The following DDX10 variants were observed in gnomAD, a reference collection of about 807,000 sequenced individuals.
DDX10 encodes the protein probable ATP-dependent RNA helicase DDX10.
Under a neutral mutation model 104.3 loss-of-function variants are expected in DDX10, and 74 were observed. The ratio of observed to expected loss-of-function variants is 0.71; its 90% CI spans 0.59 to 0.86. The LOEUF is 0.86. DDX10 is among the 40% of genes least tolerant of loss of function. The pLI, the probability that DDX10 is intolerant of heterozygous loss-of-function variation, is 0.00. For missense variants in DDX10, 952 were observed against 1,040.0 expected, an observed-to-expected ratio of 0.92 and a Z score of 1.16; for synonymous variants, 351 against 353.4, an observed-to-expected ratio of 0.99 and a Z score of 0.08.
chr11:108,816,669 C>T (rs1862259892), intron 13 of DDX10, among the ~76,000 whole-genome samples: 1 of 151,758 alleles, frequency 6.6e-6, no homozygotes, highest in African/African-American at 2.4e-5. Flanking sequence ...TTTCCTGCCT[C>T]AGCCTCCCAA....
Position 108,940,435 on chromosome 11 carries a change from G to T in DDX10, c.*12G>T, listed in dbSNP as rs367878899. ...GAAGTCAAAGCTAAATACTTCCTGC[G>T]CCTGCCTTCTCCTTGAAACCTTGGT... On this transcript the variant is annotated 3_prime_UTR_variant, in exon 18 of 18. Transcript: ENST00000322536. 4 of 1,609,310 alleles carry T rather than the reference G, an allele frequency of 2.5e-6. No homozygotes were observed. Among genetic ancestry groups the T allele is most frequent in the Non-Finnish European group, 3.4e-6 (4 of 1,178,148 alleles).
chr11:108,778,175 C>T (rs1300356432), intron 13 of DDX10, among the ~76,000 whole-genome samples: 1 of 152,086 alleles, frequency 6.6e-6, no homozygotes, highest in African/African-American at 2.4e-5. Context: ...ACTTTCTTCA[C>T]AGAATTGGAA....
At chr11:108,732,146 A>G (rs1013118149) in intron 13 of DDX10, among the ~76,000 whole-genome samples, 1 of 152,220 alleles carries the variant, frequency 6.6e-6, no homozygotes, top group African/African-American at 2.4e-5. Context: ...GAATATGTCT[A>G]ATAATCATAT....
intron 13 of DDX10, among the ~76,000 whole-genome samples, chr11:108,813,437 T>C (rs1862214123): frequency 6.6e-6 from 1 of 152,214 alleles, no homozygotes; most frequent in African/African-American, 2.4e-5. Flanking sequence ...ATTTTCTTAC[T>C]CTTTTTATTC....
rs1019824721 is a variant in DDX10 at position 108,890,660 on chromosome 11, A to G, written c.2305-27213A>G. 1.1e-4 allele frequency among the ~76,000 whole-genome samples: 16 copies of G among 152,212 alleles called. No individual in the cohort carries two copies. The East Asian group carries it at 2.9e-3, about 28-fold the overall frequency. On this transcript the variant is annotated intron_variant, in intron 16 of 17. Coordinates refer to ENST00000322536, the MANE Select transcript of DDX10 (RefSeq NM_004398.4). ...TCATTAAACTACTTTTTTCAACGTA[A>G]TATGATCTTACCCTACAATCCTGCC...
chr11:108,826,913 C>A (rs2134582963), intron 13 of DDX10, among the ~76,000 whole-genome samples: 2 of 152,204 alleles, frequency 1.3e-5, no homozygotes, highest in African/African-American at 4.8e-5. Context: ...ATTAGCAATT[C>A]TCAAACATTC....
chr11:108,855,523 G>T (rs1416116185), intron 16 of DDX10, among the ~76,000 whole-genome samples: 1 of 152,034 alleles, frequency 6.6e-6, no homozygotes, highest in African/African-American at 2.4e-5. Flanking sequence ...GCAGTGACGC[G>T]ATCTTGGCCC....
At chr11:108,830,747 A>G (rs1215394829) in intron 13 of DDX10, among the ~76,000 whole-genome samples, 1 of 152,066 alleles carries the variant, frequency 6.6e-6, no homozygotes. Context: ...TGTGCTTAGG[A>G]TTTTCATCAT....
At chr11:108,826,411 C>T (rs532473130) in intron 13 of DDX10, among the ~76,000 whole-genome samples, 3 of 152,142 alleles carry the variant, frequency 2.0e-5, no homozygotes, top group East Asian at 1.9e-4. Flanking sequence ...CACAAAAGGC[C>T]GGATATCACA....
intron 9 of DDX10, among the ~76,000 whole-genome samples, chr11:108,698,412 A>G (rs34610500): frequency 0.055 from 8,422 of 152,296 alleles, 331 homozygotes; most frequent in Non-Finnish European, 0.087. Context: ...TGCTCCTCGT[A>G]GATAGTGGCT....
chr11:108,767,121 C>T (rs984259700), intron 13 of DDX10, among the ~76,000 whole-genome samples: 3 of 152,082 alleles, frequency 2.0e-5, no homozygotes, highest in East Asian at 1.9e-4. Context: ...TCATACATAT[C>T]GCCAATTGTC....
intron 13 of DDX10, among the ~76,000 whole-genome samples, chr11:108,824,449 CTTTTTAT>C (rs1862369030): frequency 1.3e-5 from 2 of 152,080 alleles, no homozygotes; most frequent in African/African-American, 4.8e-5. Flanking sequence ...AATGTTACTG[CTTTTTAT>C]TTTTTATTTT....
At chr11:108,844,005 A>T (rs1591833348) in intron 15 of DDX10, among the ~76,000 whole-genome samples, 1 of 152,196 alleles carries the variant, frequency 6.6e-6, no homozygotes, top group Non-Finnish European at 1.5e-5. Flanking sequence ...CATTATTAGA[A>T]CACAGCATGT....
intron 13 of DDX10, among the ~76,000 whole-genome samples, chr11:108,798,883 T>C (rs1490696368): frequency 1.3e-5 from 2 of 152,150 alleles, no homozygotes; most frequent in Non-Finnish European, 2.9e-5. Context: ...ATTGAAAGCC[T>C]GTGGAAACTG....
At chr11:108,803,209 C>G (rs1862048149) in intron 13 of DDX10, among the ~76,000 whole-genome samples, 1 of 151,684 alleles carries the variant, frequency 6.6e-6, no homozygotes, top group South Asian at 2.1e-4. Flanking sequence ...TCTCTGCTAC[C>G]TTTCTTACTC....
intron 6 of DDX10, among the ~76,000 whole-genome samples, chr11:108,688,462 C>G (rs1041219986): frequency 6.6e-6 from 1 of 152,106 alleles, no homozygotes; most frequent in African/African-American, 2.4e-5. Flanking sequence ...GTATTCTCTC[C>G]AAATACTTCA....
chr11:108,711,971 A>G (rs1179663732), intron 10 of DDX10, among the ~76,000 whole-genome samples: 3 of 152,196 alleles, frequency 2.0e-5, no homozygotes, highest in Admixed American at 6.5e-5. Context: ...TTTGCCTCAC[A>G]TAGTTTGATG....
chr11:108,866,993 T>G (rs1863015094), intron 16 of DDX10, among the ~76,000 whole-genome samples: 1 of 152,170 alleles, frequency 6.6e-6, no homozygotes, highest in African/African-American at 2.4e-5. Flanking sequence ...GGGGAGGGCA[T>G]TTGAGTCAGG....
intron 13 of DDX10, among the ~76,000 whole-genome samples, chr11:108,742,494 G>T (rs902328989): frequency 6.6e-6 from 1 of 152,110 alleles, no homozygotes; most frequent in Admixed American, 6.5e-5. Context: ...GAACCTGGGA[G>T]GTGGAGGTTG....
Sources: gnomAD v4.1 joint callset for allele counts (sites outside exome capture counted in the v4.1 genomes callset) on GRCh38, gnomAD v4.1.1 for gene constraint, MANE v1.5 for transcripts, NCBI Gene and HGNC (gene_info 2026-07-23, HGNC 2026-07-21) for gene names.